RALYL: variants seen among roughly 807,000 people sequenced by gnomAD.
RALYL encodes the protein RNA-binding Raly-like protein.
In RALYL, 29 loss-of-function variants were observed where a neutral mutation model predicts 35.1. The observed-to-expected ratio is 0.83, with a 90% CI of 0.61 to 1.13. RALYL has a LOEUF of 1.13. Among genes scored for constraint, RALYL ranks in the 50% most tolerant of loss-of-function variants. The pLI is 0.00. For synonymous variants in RALYL, 120 were observed against 127.6 expected, an observed-to-expected ratio of 0.94 and a Z score of 0.40; for missense variants, 359 against 360.4, an observed-to-expected ratio of 1.00 and a Z score of 0.03.
At chr8:84,382,970 A>C (rs1347304272) in intron 1 of RALYL, among the ~76,000 whole-genome samples, 2 of 151,806 alleles carry the variant, frequency 1.3e-5, no homozygotes, top group African/African-American at 4.8e-5. Context: ...ATAAACCATA[A>C]GCCCAGTGAG....
At chr8:84,633,749 G>T (rs1824434046) in intron 2 of RALYL, among the ~76,000 whole-genome samples, 1 of 151,750 alleles carries the variant, frequency 6.6e-6, no homozygotes, top group South Asian at 2.1e-4. Flanking sequence ...TTCTAAATTA[G>T]GAAAAATGTG....
At chr8:84,479,305 C>T (rs2133857523) in intron 1 of RALYL, among the ~76,000 whole-genome samples, 1 of 151,942 alleles carries the variant, frequency 6.6e-6, no homozygotes, top group Non-Finnish European at 1.5e-5. Context: ...CTTTTGAATG[C>T]AAAAATCAAT....
intron 2 of RALYL, among the ~76,000 whole-genome samples, chr8:84,648,176 T>C (rs1827903648): frequency 6.6e-6 from 1 of 152,086 alleles, no homozygotes; most frequent in African/African-American, 2.4e-5. Flanking sequence ...TTTTGGTCTC[T>C]GATTAAACAT....
At chr8:84,211,766 A>G (rs1426898582) in intron 1 of RALYL, among the ~76,000 whole-genome samples, 1 of 152,148 alleles carries the variant, frequency 6.6e-6, no homozygotes, top group Non-Finnish European at 1.5e-5. Flanking sequence ...GCAGTCAATC[A>G]GAACCATGGG....
intron 1 of RALYL, among the ~76,000 whole-genome samples, chr8:84,363,342 A>G (rs1853490879): frequency 1.3e-5 from 2 of 152,142 alleles, no homozygotes. Context: ...CAGAAGGGAG[A>G]TGGGGAAAAG....
intron 6 of RALYL, among the ~76,000 whole-genome samples, chr8:84,870,809 T>C (rs1840063171): frequency 6.6e-6 from 1 of 152,068 alleles, no homozygotes; most frequent in African/African-American, 2.4e-5. Flanking sequence ...CATATATAGA[T>C]AGTGACTCTG....
intron 1 of RALYL, among the ~76,000 whole-genome samples, chr8:84,377,462 T>TGTTTGTTTG (rs201091689): frequency 6.8e-6 from 1 of 146,838 alleles, no homozygotes; most frequent in African/African-American, 2.6e-5. Flanking sequence ...TTTTTTTTTT[T>TGTTTGTTTG]TTTTTTTTTT....
intron 1 of RALYL, among the ~76,000 whole-genome samples, chr8:84,418,020 A>T (rs1044675013): frequency 6.6e-6 from 1 of 152,206 alleles, no homozygotes; most frequent in Non-Finnish European, 1.5e-5. Flanking sequence ...AGTTTAAAGA[A>T]AATGTGGAAA....
intron 2 of RALYL, among the ~76,000 whole-genome samples, chr8:84,565,600 A>G (rs1012461907): frequency 4.0e-5 from 6 of 151,654 alleles, no homozygotes; most frequent in South Asian, 2.1e-4. Flanking sequence ...AAATTAAACA[A>G]TAGGATTATT....
chr8:84,420,281 T>A (rs1209855849), intron 1 of RALYL, among the ~76,000 whole-genome samples: 5 of 152,188 alleles, frequency 3.3e-5, no homozygotes, highest in African/African-American at 9.7e-5. Flanking sequence ...TTGATTTGCA[T>A]TTCTCTGATG....
At chr8:84,654,958 G>A (rs1829667097) in intron 2 of RALYL, among the ~76,000 whole-genome samples, 1 of 151,580 alleles carries the variant, frequency 6.6e-6, no homozygotes, top group Admixed American at 6.6e-5. Context: ...CTAGCGGTGG[G>A]ATTGCTGGAT....
chr8:84,332,469 G>T (rs1213149729), intron 1 of RALYL, among the ~76,000 whole-genome samples: 1 of 152,046 alleles, frequency 6.6e-6, no homozygotes, highest in Non-Finnish European at 1.5e-5. Context: ...AGGGGCAGGG[G>T]AATTCTCGGA....
intron 1 of RALYL, among the ~76,000 whole-genome samples, chr8:84,474,346 T>C (rs1202125264): frequency 2.0e-5 from 3 of 152,192 alleles, no homozygotes; most frequent in African/African-American, 7.2e-5. Context: ...TGGAAATCTT[T>C]CGAGTTGTTT....
intron 2 of RALYL, among the ~76,000 whole-genome samples, chr8:84,556,245 T>C (rs1317718345): frequency 6.6e-6 from 1 of 152,156 alleles, no homozygotes; most frequent in East Asian, 1.9e-4. Flanking sequence ...TGGATGAGGG[T>C]GAGATGGAAA....
intron 8 of RALYL, among the ~76,000 whole-genome samples, chr8:84,898,783 G>T (rs559057083): frequency 1.3e-5 from 2 of 152,174 alleles, no homozygotes; most frequent in African/African-American, 2.4e-5. Context: ...ACCTGATCCT[G>T]GTGAACACCC....
intron 1 of RALYL, among the ~76,000 whole-genome samples, chr8:84,362,634 T>G (rs1853288711): frequency 6.6e-6 from 1 of 152,112 alleles, no homozygotes; most frequent in Non-Finnish European, 1.5e-5. Context: ...TAATGCCTGA[T>G]TAGTTAATGA....
chr8:84,756,906 ATTAT>A (rs962179316), intron 2 of RALYL, among the ~76,000 whole-genome samples: 12 of 152,200 alleles, frequency 7.9e-5, no homozygotes, highest in Non-Finnish European at 1.5e-4. Context: ...AAGGTACAAA[ATTAT>A]TTGTCTTTTT....
intron 2 of RALYL, among the ~76,000 whole-genome samples, chr8:84,664,263 A>ATTTTTTTTTTTTTTTTTTTT (rs60423756): frequency 3.4e-5 from 2 of 58,034 alleles, no homozygotes; most frequent in Non-Finnish European, 5.8e-5. Flanking sequence ...ATGCCTCTAG[A>ATTTTTTTTTTTTTTTTTTTT]TTTTTTTTTT....
At position 84,652,993 on chromosome 8, in the gene RALYL, C is replaced by A. The variant is rs532476023; in HGVS notation, c.257-121586C>A. ...AAAGAAAAATAGAGAACTTGGACATCTATTCAAGTTAATGTCTCCAGGATA... is the reference window on the plus strand; with the variant it reads ...AAAGAAAAATAGAGAACTTGGACATATATTCAAGTTAATGTCTCCAGGATA... On this transcript the variant is annotated intron_variant, in intron 2 of 8. Coordinates refer to ENST00000521268, the MANE Select transcript of RALYL (RefSeq NM_173848.7). Among the ~76,000 whole-genome samples the A allele has an allele frequency of 3.3e-5, 5 of 152,182 alleles. No homozygotes were observed. The South Asian group carries it at 1.0e-3, about 32-fold the overall frequency.
Sources: gnomAD v4.1 joint callset for allele counts (sites outside exome capture counted in the v4.1 genomes callset) on GRCh38, gnomAD v4.1.1 for gene constraint, MANE v1.5 for transcripts, NCBI Gene and HGNC (gene_info 2026-07-23, HGNC 2026-07-21) for gene names.